WDR64: variants seen among roughly 807,000 people sequenced by gnomAD.
The protein encoded by WDR64 is WD repeat-containing protein 64.
In WDR64, 112 loss-of-function variants were observed where a neutral mutation model predicts 139.3. That is an observed-to-expected ratio of 0.80 (90% CI 0.69 to 0.94). The LOEUF (loss-of-function observed/expected upper bound fraction) is 0.94. Among genes scored for constraint, WDR64 ranks in the 40% least tolerant of loss-of-function variants. The probability of loss-of-function intolerance (pLI) is 0.00; values close to 1 mark genes in which losing one functional copy is unlikely to be tolerated. For synonymous variants in WDR64, 444 were observed against 437.7 expected (o/e 1.01, Z -0.18); for missense variants, 1,206 against 1,293.1 (o/e 0.93, Z 1.03).
chr1:241,792,636 T>C (rs888909458), intron 25 of WDR64, among the ~76,000 whole-genome samples: 3 of 152,154 alleles, frequency 2.0e-5, no homozygotes, highest in Non-Finnish European at 2.9e-5. Flanking sequence ...AAAGAGACGA[T>C]TCCACAAAAT....
At chr1:241,695,412 T>C (rs1038104664) in intron 8 of WDR64, among the ~76,000 whole-genome samples, 1 of 152,110 alleles carries the variant, frequency 6.6e-6, no homozygotes, top group Non-Finnish European at 1.5e-5. Context: ...AACAGCAAAC[T>C]CTAAAAATCA....
At chr1:241,719,544 T>C (rs947017445) in intron 9 of WDR64, among the ~76,000 whole-genome samples, 1 of 152,140 alleles carries the variant, frequency 6.6e-6, no homozygotes, top group African/African-American at 2.4e-5. Flanking sequence ...AAAAATACTA[T>C]GCTTTTTCAT....
intron 10 of WDR64, among the ~76,000 whole-genome samples, chr1:241,732,129 T>C (rs1669104929): frequency 6.6e-6 from 1 of 152,200 alleles, no homozygotes; most frequent in Admixed American, 6.5e-5. Flanking sequence ...TGGGTAAAAT[T>C]AGAAAGGCAG....
chr1:241,717,108 ATC>A (rs1668434063), intron 9 of WDR64, among the ~76,000 whole-genome samples: 1 of 152,196 alleles, frequency 6.6e-6, no homozygotes, highest in African/African-American at 2.4e-5. Context: ...AGCATGACAC[ATC>A]TTGACAATTC....
At chr1:241,744,291 C>G (rs1256956590) in intron 12 of WDR64, 102 bp from the exon 13 acceptor site, 28 of 1,422,444 alleles carry the variant, frequency 2.0e-5, no homozygotes, top group Non-Finnish European at 2.5e-5. Flanking sequence ...GTTAGATGTA[C>G]AGAGTTCCAT....
rs113995030 is a variant in WDR64 at position 241,665,175 on chromosome 1, C to T, written c.276+4515C>T. On this transcript the variant is annotated intron_variant, in intron 2 of 27. Coordinates refer to ENST00000437684, the MANE Select transcript of WDR64 (RefSeq NM_001367482.1). Reference sequence around the variant, plus strand: ...AGAAAAACTCATGGCCAGCTTCTGGCACACTGTATGTATATAAAGAATGAC... The same window carrying T: ...AGAAAAACTCATGGCCAGCTTCTGGTACACTGTATGTATATAAAGAATGAC... Among the ~76,000 whole-genome samples, 594 of 152,250 alleles carry T rather than the reference C, an allele frequency of 3.9e-3. 6 individuals are homozygous for T. Among genetic ancestry groups the T allele is most frequent in the Middle Eastern group, 0.024 (7 of 294 alleles).
At chr1:241,782,104 G>A (rs1408052110) in intron 22 of WDR64, among the ~76,000 whole-genome samples, 2 of 152,152 alleles carry the variant, frequency 1.3e-5, no homozygotes, top group Non-Finnish European at 2.9e-5. Flanking sequence ...GGCCAACATG[G>A]TGAAACCCCG....
In WDR64 at chr1:241,652,332, C is replaced by A; in HGVS notation, c.-153C>A. 2.8e-6 allele frequency: 2 copies of A among 726,136 alleles called. No homozygotes were observed. The highest frequency in any genetic ancestry group is 4.4e-6 in the Non-Finnish European group (2 of 454,386). 45.0% of individuals were successfully genotyped at this position (726,136 alleles called of 1,614,324 possible). A position where few individuals can be genotyped will look rare whatever the true frequency, so the allele number is the denominator to read the frequency against. On this transcript the variant is annotated 5_prime_UTR_variant, in exon 1 of 28. Coordinates refer to ENST00000437684, the MANE Select transcript of WDR64 (RefSeq NM_001367482.1). ...TAACATCCTAGTGGCAACTCTTACT[C>A]CTACCCGCACTATGGGATTTTAAGA... is the stretch of plus-strand genomic sequence containing the variant.
At chr1:241,771,921 TACATAC>T (rs1658450888) in intron 19 of WDR64, among the ~76,000 whole-genome samples, 1 of 60,230 alleles carries the variant, frequency 1.7e-5, no homozygotes. Context: ...TATACATATA[TACATAC>T]ATATACATAC....
chr1:241,706,230 C>T (rs571330070), intron 8 of WDR64, among the ~76,000 whole-genome samples: 33 of 152,354 alleles, frequency 2.2e-4, no homozygotes, highest in Middle Eastern at 6.8e-3. Flanking sequence ...TGGAGGAACC[C>T]GCCACAGAGT....
intron 10 of WDR64, among the ~76,000 whole-genome samples, chr1:241,729,486 C>T (rs1223124715): frequency 6.6e-6 from 1 of 152,164 alleles, no homozygotes; most frequent in East Asian, 1.9e-4. Flanking sequence ...GGGTCTGGAA[C>T]AAGAATATCT....
chr1:241,710,290 A>G (rs1668108662), intron 8 of WDR64, among the ~76,000 whole-genome samples: 1 of 152,050 alleles, frequency 6.6e-6, no homozygotes, highest in Non-Finnish European at 1.5e-5. Context: ...AGTTGTTGCT[A>G]ATCTCTGAGG....
At chr1:241,754,322 T>G (rs2148270866) in intron 14 of WDR64, among the ~76,000 whole-genome samples, 1 of 6,094 alleles carries the variant, frequency 1.6e-4, no homozygotes, top group South Asian at 0.042. Flanking sequence ...TTCTTTTTCT[T>G]TTTTTTTTTT....
chr1:241,706,089 T>TC (rs1328634873), intron 8 of WDR64, among the ~76,000 whole-genome samples: 2 of 152,256 alleles, frequency 1.3e-5, no homozygotes, highest in Admixed American at 6.5e-5. Flanking sequence ...AATTCTAATG[T>TC]CCTATGACCC....
intron 23 of WDR64, among the ~76,000 whole-genome samples, chr1:241,786,512 G>C (rs1308548313): frequency 6.6e-6 from 1 of 152,206 alleles, no homozygotes; most frequent in African/African-American, 2.4e-5. Flanking sequence ...GGAGTGAAGT[G>C]ATAGTGAAAC....
chr1:241,786,870 G>C (rs1317227257), intron 23 of WDR64, among the ~76,000 whole-genome samples: 1 of 152,152 alleles, frequency 6.6e-6, no homozygotes, highest in East Asian at 1.9e-4. Flanking sequence ...CCATAAAAAA[G>C]AACAAGATCA....
In WDR64 at chr1:241,741,605, A is replaced by G. The variant is rs1243044598; in HGVS notation, c.1411A>G (p.Met471Val). 2 of 1,613,560 alleles carry G rather than the reference A, an allele frequency of 1.2e-6. No individual in the cohort carries two copies. Among genetic ancestry groups the G allele is most frequent in the East Asian group, 4.5e-5 (2 of 44,838 alleles). The part of the protein sequence containing the change: ...PHTHEREINV[M>V]LYNKYFHQVL... ...CACTCATGAACGAGAAATCAATGTCATGCTTTACAACAAATATTTTCATCA... is the reference window on the plus strand; with the variant it reads ...CACTCATGAACGAGAAATCAATGTCGTGCTTTACAACAAATATTTTCATCA... The change falls in exon 12 of 28, where the codon ATG (methionine) becomes GTG (valine). Residue 471 changes from methionine to valine, a missense_variant. Transcript: ENST00000437684.
chr1:241,784,976 A>AAAAAAAAAAAAAAAAAAT, intron 23 of WDR64, among the ~76,000 whole-genome samples: 3 of 98,474 alleles, frequency 3.0e-5, no homozygotes, highest in East Asian at 3.2e-4. Flanking sequence ...AAAAAAAAAA[A>AAAAAAAAAAAAAAAAAAT]GAAAGGACAT....
At chr1:241,749,757 G>A (rs1432228119) in intron 14 of WDR64, 35 bp downstream of exon 14, 2 of 1,543,034 alleles carry the variant, frequency 1.3e-6, no homozygotes, top group Non-Finnish European at 8.7e-7. Flanking sequence ...TACTGCAGGT[G>A]CCCTTTTTGG....
Sources: allele counts gnomAD v4.1 joint callset (sites outside exome capture counted in the v4.1 genomes callset), GRCh38; gene constraint gnomAD v4.1.1; transcripts MANE v1.5; gene names NCBI Gene and HGNC (gene_info 2026-07-23, HGNC 2026-07-21).